The following FNDC1 variants were observed in gnomAD, a reference collection of about 807,000 sequenced individuals.
FNDC1 encodes fibronectin type III domain containing 1, also known as fibronectin type III domain-containing protein 1.
A neutral mutation model predicts 168.0 loss-of-function variants in FNDC1; 96 were observed. That is an observed-to-expected ratio of 0.57 (90% CI 0.48 to 0.68). FNDC1 has a LOEUF of 0.68. Ranked by LOEUF, FNDC1 falls within the 30% of genes least tolerant of loss-of-function variation. FNDC1 has a pLI of 0.00. For missense variants in FNDC1, 2,587 were observed against 2,482.1 expected, an observed-to-expected ratio of 1.04 and a Z score of -0.90; for synonymous variants, 1,099 against 1,025.9, an observed-to-expected ratio of 1.07 and a Z score of -1.36.
intron 1 of FNDC1, among the ~76,000 whole-genome samples, chr6:159,180,632 C>T (rs1335036083): frequency 6.6e-6 from 1 of 152,058 alleles, no homozygotes; most frequent in African/African-American, 2.4e-5. Flanking sequence ...CTGCCCCAAC[C>T]CCCTGTCCTC....
At chr6:159,180,190 C>T (rs950717494) in intron 1 of FNDC1, among the ~76,000 whole-genome samples, 1 of 152,168 alleles carries the variant, frequency 6.6e-6, no homozygotes. Context: ...TTGCTTCTTC[C>T]TAGCTTCTTG....
chr6:159,238,492 T>C, intron 12 of FNDC1, 62 bp from the exon 13 acceptor site: 1 of 1,147,340 alleles, frequency 8.7e-7, no homozygotes, highest in East Asian at 2.5e-5. Context: ...ACATATATAA[T>C]TGGACTAATG....
intron 1 of FNDC1, among the ~76,000 whole-genome samples, chr6:159,179,244 C>T (rs1162520008): frequency 6.6e-6 from 1 of 152,224 alleles, no homozygotes; most frequent in East Asian, 1.9e-4. Context: ...AGATCACCTG[C>T]CTGAGGTCAG....
intron 9 of FNDC1, among the ~76,000 whole-genome samples, chr6:159,228,229 T>A (rs1453210480): frequency 6.6e-6 from 1 of 152,200 alleles, no homozygotes. Context: ...ATACTGAGTT[T>A]TTATGTCCAA....
intron 2 of FNDC1, 31 bp downstream of exon 2, chr6:159,197,656 A>G (rs1394178033): frequency 6.4e-7 from 1 of 1,573,646 alleles, no homozygotes; most frequent in East Asian, 2.3e-5. Context: ...GTTCCCAGTC[A>G]GAATTAACTG....
At chr6:159,251,888 G>A (rs999708370) in intron 17 of FNDC1, among the ~76,000 whole-genome samples, 6 of 152,142 alleles carry the variant, frequency 3.9e-5, no homozygotes, top group Non-Finnish European at 7.4e-5. Flanking sequence ...TGGCCAGGGG[G>A]TCCAGCTAGC....
chr6:159,271,510 GAGCAAAGACAGCC>G lies in FNDC1; in HGVS notation c.*72_*84del. The G allele has an allele frequency of 8.1e-7, 1 of 1,239,288 alleles. No homozygotes were observed. Among genetic ancestry groups the G allele is most frequent in the Non-Finnish European group, 1.2e-6 (1 of 862,498 alleles). The allele number at this position is 1,239,288 out of a possible 1,614,324, so 76.8% of individuals were successfully genotyped here. On this transcript the variant is annotated 3_prime_UTR_variant, in exon 23 of 23. Coordinates refer to ENST00000297267, the MANE Select transcript of FNDC1 (RefSeq NM_032532.3). Reference sequence around the variant, plus strand: ...CCAACTAAGTCGCACTAGGGGCTGTGAGCAAAGACAGCCAGCGTGCTCAGCCCCGCTGCCCTAG... The same window carrying G: ...CCAACTAAGTCGCACTAGGGGCTGTGAGCGTGCTCAGCCCCGCTGCCCTAG...
intron 2 of FNDC1, 60 bp downstream of exon 2, chr6:159,197,685 T>G (rs1782279884): frequency 2.7e-6 from 4 of 1,469,186 alleles, no homozygotes; most frequent in Middle Eastern, 2.3e-4. Context: ...CATTCTCAGT[T>G]GCATTCTTAG....
At chr6:159,182,495 TTC>T (rs1328352395) in intron 1 of FNDC1, among the ~76,000 whole-genome samples, 48 of 152,320 alleles carry the variant, frequency 3.2e-4, no homozygotes, top group African/African-American at 1.1e-3. Context: ...CCATACTCTG[TTC>T]TCTGATTATC....
intron 4 of FNDC1, among the ~76,000 whole-genome samples, chr6:159,209,743 T>C (rs1345104291): frequency 6.6e-6 from 1 of 152,268 alleles, no homozygotes; most frequent in Non-Finnish European, 1.5e-5. Flanking sequence ...CATTAATAAT[T>C]GGCATTGATT....
chr6:159,184,321 T>C (rs1176799601), intron 1 of FNDC1, among the ~76,000 whole-genome samples: 2 of 152,252 alleles, frequency 1.3e-5, no homozygotes, highest in Non-Finnish European at 2.9e-5. Flanking sequence ...CAAATGTTCC[T>C]TTCCTTTCTT....
At chr6:159,238,051 T>C (rs1012181650) in intron 12 of FNDC1, among the ~76,000 whole-genome samples, 1 of 152,124 alleles carries the variant, frequency 6.6e-6, no homozygotes, top group African/African-American at 2.4e-5. Flanking sequence ...ACAATTTACA[T>C]GTTATATGGG....
At chr6:159,253,925 C>T (rs1777321864) in intron 17 of FNDC1, among the ~76,000 whole-genome samples, 1 of 152,312 alleles carries the variant, frequency 6.6e-6, no homozygotes, top group South Asian at 2.1e-4. Context: ...CTGGGGTGGG[C>T]CATTGTGTGC....
In FNDC1 at chr6:159,221,665, C is replaced by G; in HGVS notation, c.735C>G (p.Tyr245Ter). The change falls in exon 6 of 23, where the codon TAC (tyrosine) becomes TAG (stop). Residue 245 changes from tyrosine to a stop codon, truncating the protein, a stop_gained. Transcript: ENST00000297267. LOFTEE classifies it high-confidence loss of function. ...CTCAGGGCCGGAGCCAACCAGTCTA[C>G]AGGGCTGCCCTAACAAAGCGAAAGA... is the stretch of plus-strand genomic sequence containing the variant. ...MNSQGRSQPV[Y>*]RAALTKRKIS... The G allele has an allele frequency of 6.2e-7, 1 of 1,614,014 alleles. No homozygotes were observed. Among genetic ancestry groups the G allele is most frequent in the Non-Finnish European group, 8.5e-7 (1 of 1,179,860 alleles).
chr6:159,260,789 C>A (rs1777465173), intron 18 of FNDC1, among the ~76,000 whole-genome samples: 1 of 152,218 alleles, frequency 6.6e-6, no homozygotes, highest in Non-Finnish European at 1.5e-5. Context: ...CCCTCTCTCT[C>A]TTGGGCTGTG....
intron 5 of FNDC1, among the ~76,000 whole-genome samples, chr6:159,219,616 AG>A (rs893066433): frequency 3.9e-5 from 6 of 152,166 alleles, no homozygotes; most frequent in Non-Finnish European, 8.8e-5. Flanking sequence ...GCGCGTGAGA[AG>A]CTTAGCACAG....
At chr6:159,269,455 CATCTATCTATCTATCTATCTATCT>C (rs71033526) in intron 22 of FNDC1, among the ~76,000 whole-genome samples, 1 of 93,946 alleles carries the variant, frequency 1.1e-5, no homozygotes, top group African/African-American at 3.9e-5. Flanking sequence ...TACCTATTCA[CATCTATCTATCTATCTATCTATCT>C]ATCTATCTAT....
intron 1 of FNDC1, among the ~76,000 whole-genome samples, chr6:159,188,833 C>T (rs947404028): frequency 4.6e-5 from 7 of 151,488 alleles, no homozygotes; most frequent in East Asian, 1.9e-4. Flanking sequence ...CTGCAACCTC[C>T]GCCTCCCAGG....
intron 11 of FNDC1, 139 bp downstream of exon 11, chr6:159,234,618 T>C: frequency 1.2e-6 from 1 of 824,578 alleles, no homozygotes; most frequent in Non-Finnish European, 1.9e-6. Context: ...TGTGACATAA[T>C]TTCATCCTCT....
Sources: gnomAD v4.1 joint callset for allele counts (sites outside exome capture counted in the v4.1 genomes callset) on GRCh38, gnomAD v4.1.1 for gene constraint, MANE v1.5 for transcripts, NCBI Gene and HGNC (gene_info 2026-07-23, HGNC 2026-07-21) for gene names.